UNC13C: variants seen among roughly 807,000 people sequenced by gnomAD.
UNC13C encodes unc-13 homolog C.
Under a neutral mutation model 245.4 loss-of-function variants are expected in UNC13C, and 174 were observed. The ratio of observed to expected loss-of-function variants is 0.71; its 90% confidence interval spans 0.63 to 0.80. The LOEUF is 0.80. Among genes scored for constraint, UNC13C ranks in the 30% least tolerant of loss-of-function variants. The probability of loss-of-function intolerance (pLI) is 0.00; values close to 1 mark genes in which losing one functional copy is unlikely to be tolerated. For missense variants in UNC13C, 2,829 were observed against 2,602.9 expected (o/e 1.09, Z -1.89); for synonymous variants, 992 against 895.1 (o/e 1.11, Z -1.93).
chr15:54,108,858 C>G (rs1462568570), intron 2 of UNC13C, among the ~76,000 whole-genome samples: 1 of 152,218 alleles, frequency 6.6e-6, no homozygotes, highest in Non-Finnish European at 1.5e-5. Context: ...ATTACAGATT[C>G]AGGCAACTCT....
At chr15:54,321,145 G>C (rs1235763278) in intron 13 of UNC13C, 2 of 516,978 alleles carry the variant, frequency 3.9e-6, no homozygotes, top group Non-Finnish European at 7.7e-6. Flanking sequence ...CTCTGACAGG[G>C]CTTTTCTTAC....
At chr15:53,855,737 T>C in the UNC13C span, among the ~76,000 whole-genome samples, 1 of 152,176 alleles carries the variant, frequency 6.6e-6, no homozygotes, top group Non-Finnish European at 1.5e-5. Context: ...GTGAAAGATA[T>C]TGGCCTGAAG....
chr15:54,114,301 T>A (rs933608352), intron 2 of UNC13C, among the ~76,000 whole-genome samples: 1 of 152,214 alleles, frequency 6.6e-6, no homozygotes, highest in African/African-American at 2.4e-5. Flanking sequence ...GTCTCCTTAT[T>A]TGGCTCTCTT....
chr15:54,108,377 C>T (rs1295022443), intron 2 of UNC13C, among the ~76,000 whole-genome samples: 1 of 152,070 alleles, frequency 6.6e-6, no homozygotes, highest in East Asian at 1.9e-4. Flanking sequence ...TTAGTAGAGA[C>T]GGGGTTTCAC....
At chr15:54,170,808 G>T (rs190391374) in intron 4 of UNC13C, among the ~76,000 whole-genome samples, 2 of 152,048 alleles carry the variant, frequency 1.3e-5, no homozygotes, top group South Asian at 2.1e-4. Flanking sequence ...TCATTCTTTC[G>T]CAGATACCTA....
intron 18 of UNC13C, among the ~76,000 whole-genome samples, chr15:54,407,258 A>G (rs2040313139): frequency 6.6e-6 from 1 of 152,188 alleles, no homozygotes. Flanking sequence ...ATTAAGGCAA[A>G]TGAAGGTAAC....
chr15:54,265,320 CTG>C lies in UNC13C; in HGVS notation c.3677-33_3677-32del, dbSNP rs1255051271. ...TTATTATTTTTTGTTTCTGAGGACT[CTG>C]TATGTTAAAATGTTTATTTTGGTTT... On this transcript the variant is annotated intron_variant, in intron 9 of 32. Transcript: ENST00000260323. The C allele has an allele frequency of 2.9e-6, 4 of 1,388,108 alleles. No homozygotes were observed. The East Asian group carries it at 7.7e-5, about 27-fold the overall frequency. The allele number at this position is 1,388,108 out of a possible 1,614,324, so 86.0% of individuals were successfully genotyped here. A position where few individuals can be genotyped will look rare whatever the true frequency, so the allele number is the denominator to read the frequency against.
chr15:54,592,823 C>T (rs1462950486), intron 30 of UNC13C, among the ~76,000 whole-genome samples: 1 of 148,512 alleles, frequency 6.7e-6, no homozygotes, highest in Non-Finnish European at 1.5e-5. Flanking sequence ...GGTACTATTG[C>T]ATTCATCATG....
intron 19 of UNC13C, among the ~76,000 whole-genome samples, chr15:54,480,631 G>A (rs942751316): frequency 2.6e-5 from 4 of 151,522 alleles, no homozygotes; most frequent in Admixed American, 1.3e-4. Context: ...TAATTCATTC[G>A]TATTGTTTAT....
chr15:54,130,539 G>T (rs2031350243), intron 2 of UNC13C, among the ~76,000 whole-genome samples: 1 of 151,922 alleles, frequency 6.6e-6, no homozygotes, highest in Non-Finnish European at 1.5e-5. Context: ...TGATCCACCC[G>T]CCTCGGCCTC....
intron 19 of UNC13C, among the ~76,000 whole-genome samples, chr15:54,461,494 A>G (rs1338633801): frequency 6.6e-6 from 1 of 152,142 alleles, no homozygotes; most frequent in Non-Finnish European, 1.5e-5. Flanking sequence ...GTTAGTCTAT[A>G]ATTTGATTTA....
At chr15:54,048,334 T>A (rs1338072735) in intron 2 of UNC13C, among the ~76,000 whole-genome samples, 2 of 152,218 alleles carry the variant, frequency 1.3e-5, no homozygotes, top group Non-Finnish European at 2.9e-5. Context: ...CTTTACCAAA[T>A]GTCTCCAAAA....
intron 18 of UNC13C, among the ~76,000 whole-genome samples, chr15:54,410,804 T>G (rs1201702947): frequency 2.0e-5 from 3 of 152,206 alleles, no homozygotes; most frequent in African/African-American, 7.2e-5. Flanking sequence ...ATCTTTGGCT[T>G]GGTTCTTTTT....
chr15:54,264,224 A>G lies in UNC13C; in HGVS notation c.3505A>G (p.Thr1169Ala). ...CGAAGACAAGACTCAGACCATTATTACAGCAATGAAAGAAAGAATGAAGAT... is the reference window on the plus strand; with the variant it reads ...CGAAGACAAGACTCAGACCATTATTGCAGCAATGAAAGAAAGAATGAAGAT... Reference protein sequence around the residue: ...GAEDKTQTIITAMKERMKIRE... With the variant: ...GAEDKTQTIIAAMKERMKIRE... Residue 1169 changes from threonine to alanine, a missense_variant, in exon 9 of 33, where the codon ACA (threonine) becomes GCA (alanine). Thr to Ala is a moderately conservative substitution (Grantham distance 58, BLOSUM62 0). Coordinates refer to ENST00000260323, the MANE Select transcript of UNC13C (RefSeq NM_001080534.3). The G allele has an allele frequency of 6.3e-7, 1 of 1,595,210 alleles. No individual in the cohort carries two copies. The highest frequency in any genetic ancestry group is 8.5e-7 in the Non-Finnish European group (1 of 1,170,176).
the UNC13C span, among the ~76,000 whole-genome samples, chr15:53,945,728 CT>C: frequency 2.1e-4 from 32 of 150,552 alleles, no homozygotes; most frequent in East Asian, 5.3e-3. Flanking sequence ...GTTATTTGAG[CT>C]TTTTTTTTGG....
the UNC13C span, among the ~76,000 whole-genome samples, chr15:53,851,775 C>T: frequency 2.6e-5 from 4 of 152,156 alleles, no homozygotes; most frequent in East Asian, 1.9e-4. Flanking sequence ...GCCTGTCCAA[C>T]GAAGTCTCCA....
At chr15:54,226,286 G>A (rs1178396987) in intron 4 of UNC13C, among the ~76,000 whole-genome samples, 1 of 152,148 alleles carries the variant, frequency 6.6e-6, no homozygotes, top group Non-Finnish European at 1.5e-5. Context: ...TTCTCTTCTA[G>A]GTTCTGGTAT....
At chr15:54,184,729 C>T in intron 4 of UNC13C, among the ~76,000 whole-genome samples, 1 of 152,162 alleles carries the variant, frequency 6.6e-6, no homozygotes, top group Non-Finnish European at 1.5e-5. Flanking sequence ...AATAAACATA[C>T]ATGTGCATGT....
the UNC13C span, among the ~76,000 whole-genome samples, chr15:53,850,993 T>G: frequency 7.8e-4 from 119 of 152,162 alleles, no homozygotes; most frequent in African/African-American, 2.7e-3. Flanking sequence ...ATGTTTTTAT[T>G]TCAGAAATTT....
Sources: gnomAD v4.1 joint callset for allele counts (sites outside exome capture counted in the v4.1 genomes callset) on GRCh38, gnomAD v4.1.1 for gene constraint, MANE v1.5 for transcripts, NCBI Gene and HGNC (gene_info 2026-07-23, HGNC 2026-07-21) for gene names.